Variants in RNF166 observed in about 807,000 individuals in gnomAD.
RNF166 encodes E3 ubiquitin-protein ligase RNF166.
A neutral mutation model predicts 29.4 loss-of-function variants in RNF166; 19 were observed. The observed-to-expected ratio is 0.65, with a 90% CI of 0.45 to 0.95. RNF166 has a LOEUF of 0.95. Among genes scored for constraint, RNF166 ranks in the 40% least tolerant of loss-of-function variants. RNF166 has a pLI of 0.00. For missense variants in RNF166, 347 were observed against 322.1 expected (o/e 1.08, Z -0.59); for synonymous variants, 171 against 134.5 (o/e 1.27, Z -1.88).
intron 5 of RNF166, chr16:88,697,934 C>A: frequency 2.1e-6 from 1 of 483,442 alleles, no homozygotes; most frequent in Non-Finnish European, 3.7e-6. Context: ...GCTCCCTGAC[C>A]TCTAACAATT....
At chr16:88,701,780 G>GTGGGGC (rs1910263862) in intron 1 of RNF166, 1 of 246,450 alleles carries the variant, frequency 4.1e-6, no homozygotes, top group Non-Finnish European at 7.9e-6. Flanking sequence ...TGGGTGGGCT[G>GTGGGGC]TGGGGCGCAG....
At chr16:88,701,512 G>T in intron 1 of RNF166, 94 bp from the exon 2 acceptor site, 2 of 1,187,354 alleles carry the variant, frequency 1.7e-6, no homozygotes, top group Non-Finnish European at 2.3e-6. Context: ...CAGCATTTGT[G>T]GGGTCCACAG....
intron 1 of RNF166, among the ~76,000 whole-genome samples, chr16:88,704,676 A>T (rs182082370): frequency 6.1e-4 from 93 of 152,310 alleles, no homozygotes; most frequent in African/African-American, 2.2e-3. Flanking sequence ...ACACCTTCAA[A>T]CACCCGCTAC....
intron 2 of RNF166, chr16:88,700,735 G>A (rs1022765046): frequency 2.7e-5 from 27 of 993,800 alleles, no homozygotes; most frequent in Non-Finnish European, 3.2e-5. Context: ...CACCAGGACA[G>A]GATGGACATG....
At chr16:88,702,958 G>A (rs1367543276) in intron 1 of RNF166, 25 of 985,370 alleles carry the variant, frequency 2.5e-5, no homozygotes, top group East Asian at 1.1e-4. Flanking sequence ...CAGGAGAAGC[G>A]GAAGCAGCTC....
At chr16:88,703,154 G>A in intron 1 of RNF166, 1 of 985,422 alleles carries the variant, frequency 1.0e-6, no homozygotes, top group Non-Finnish European at 1.2e-6. Context: ...CCAGCAGAGA[G>A]AAACCCAGTG....
intron 1 of RNF166, chr16:88,702,631 A>G: frequency 2.2e-6 from 2 of 919,342 alleles, no homozygotes; most frequent in East Asian, 1.2e-4. Flanking sequence ...CTTTGCCACC[A>G]CTGGATTCCC....
At chr16:88,701,486 G>A (rs1910226295) in intron 1 of RNF166, 68 bp from the exon 2 acceptor site, 30 of 1,443,634 alleles carry the variant, frequency 2.1e-5, no homozygotes, top group Non-Finnish European at 2.7e-5. Context: ...CCTTGCTCGG[G>A]GCCCTTCTTA....
Position 88,703,136 on chromosome 16 carries a change from C to G in RNF166, c.156-1718G>C, listed in dbSNP as rs1398557680. 4.1e-6 allele frequency: 4 copies of G among 985,390 alleles called. No homozygotes were observed. The African/African-American group carries it at 7.0e-5, about 17-fold the overall frequency. The allele number at this position is 985,390 out of a possible 1,614,324, so 61.0% of individuals were successfully genotyped here. A position where few individuals can be genotyped will look rare whatever the true frequency, so the allele number is the denominator to read the frequency against. Reference sequence around the variant, plus strand: ...CCCGTGTCGTGGGGGTCCACTCACGCTCAACGTCCAGCAGAGAGAAACCCA... The same window carrying G: ...CCCGTGTCGTGGGGGTCCACTCACGGTCAACGTCCAGCAGAGAGAAACCCA... On this transcript the variant is annotated intron_variant, in intron 1 of 5. Coordinates refer to ENST00000312838, the MANE Select transcript of RNF166 (RefSeq NM_178841.4).
chr16:88,699,911 A>C, intron 2 of RNF166, 179 bp from the exon 3 acceptor site: 1 of 514,148 alleles, frequency 1.9e-6, no homozygotes, highest in Non-Finnish European at 3.5e-6. Flanking sequence ...AGCAGCCACT[A>C]CTCCATGGCC....
In RNF166 at chr16:88,696,863, A is replaced by G; in HGVS notation, c.*705T>C. 1 of 289,998 alleles carries G rather than the reference A, an allele frequency of 3.4e-6. No individual in the cohort carries two copies. Among genetic ancestry groups the G allele is most frequent in the South Asian group, 3.0e-5 (1 of 33,768 alleles). 18.0% of individuals were successfully genotyped at this position (289,998 alleles called of 1,614,324 possible). On this transcript the variant is annotated 3_prime_UTR_variant, in exon 6 of 6. Coordinates refer to ENST00000312838, the MANE Select transcript of RNF166 (RefSeq NM_178841.4). ...ACAGTGGGTGGCCAGGGCAGACCCC[A>G]CAGCAGACCCCATGGCTCGCCTGAG...
In RNF166 at chr16:88,701,457, G is replaced by C. The variant is rs112181356; in HGVS notation, c.156-39C>G. 4,006 of 1,510,950 alleles carry C rather than the reference G, an allele frequency of 2.7e-3. 11 individuals carry two copies. The highest frequency in any genetic ancestry group is 7.1e-3 in the Middle Eastern group (29 of 4,096). The allele number at this position is 1,510,950 out of a possible 1,614,324, so 93.6% of individuals were successfully genotyped here. A position where few individuals can be genotyped will look rare whatever the true frequency, so the allele number is the denominator to read the frequency against. On this transcript the variant is annotated intron_variant, in intron 1 of 5. Transcript: ENST00000312838. Reference sequence around the variant, plus strand: ...GGGCCTGAGTGCCAGCCCGCCCCTCGGGTCTCCCGAACCGCAGGCCTTGCT... The same window carrying C: ...GGGCCTGAGTGCCAGCCCGCCCCTCCGGTCTCCCGAACCGCAGGCCTTGCT...
intron 1 of RNF166, chr16:88,703,920 CA>C: frequency 1.0e-6 from 1 of 985,450 alleles, no homozygotes; most frequent in South Asian, 4.7e-5. Flanking sequence ...GGAGGCTGCT[CA>C]CACAGCCCTT....
In RNF166 at chr16:88,698,472, G is replaced by A. The variant is rs373302275; in HGVS notation, c.648+30C>T. 2.5e-5 allele frequency: 38 copies of A among 1,508,116 alleles called. No homozygotes were observed. In the African/African-American group the frequency reaches 5.0e-4, roughly 20 times the overall value. The allele number at this position is 1,508,116 out of a possible 1,614,324, so 93.4% of individuals were successfully genotyped here. Reference sequence around the variant, plus strand: ...GGAGGAGGGTGGATGAGGAGGGCGTGGGGGAGGACGGTGCTGGCGGGATGC... The same window carrying A: ...GGAGGAGGGTGGATGAGGAGGGCGTAGGGGAGGACGGTGCTGGCGGGATGC... On this transcript the variant is annotated intron_variant, in intron 5 of 5. Transcript: ENST00000312838.
chr16:88,698,130 G>A (rs1945795506), intron 5 of RNF166: 1 of 591,306 alleles, frequency 1.7e-6, no homozygotes. Context: ...CCCGCGGCGG[G>A]TGGGAAAAGG....
At chr16:88,703,743 G>A in intron 1 of RNF166, 1 of 985,506 alleles carries the variant, frequency 1.0e-6, no homozygotes. Flanking sequence ...CTTACAAAGG[G>A]AGGGGCGATC....
chr16:88,703,555 G>C, intron 1 of RNF166: 1 of 985,462 alleles, frequency 1.0e-6, no homozygotes, highest in Non-Finnish European at 1.2e-6. Context: ...CAGGGTGGGT[G>C]CTCTATCGGC....
At chr16:88,703,366 A>G (rs1910460440) in intron 1 of RNF166, 1 of 985,408 alleles carries the variant, frequency 1.0e-6, no homozygotes, top group Non-Finnish European at 1.2e-6. Context: ...CCACGGGCTG[A>G]GGGGAAGGAA....
intron 1 of RNF166, chr16:88,703,450 C>G: frequency 2.0e-6 from 2 of 985,482 alleles, no homozygotes; most frequent in Non-Finnish European, 2.4e-6. Context: ...CAGCCTCGTC[C>G]TCCCCGGAAG....
Sources: allele counts gnomAD v4.1 joint callset (sites outside exome capture counted in the v4.1 genomes callset), GRCh38; gene constraint gnomAD v4.1.1; transcripts MANE v1.5; gene names NCBI Gene and HGNC (gene_info 2026-07-23, HGNC 2026-07-21).